The following GRID1 variants were observed in gnomAD, a reference collection of about 807,000 sequenced individuals.
The protein encoded by GRID1 is glutamate ionotropic receptor delta type subunit 1, also known as glutamate receptor ionotropic, delta-1.
Under a neutral mutation model 98.0 loss-of-function variants are expected in GRID1, and 28 were observed. The observed-to-expected ratio is 0.29, with a 90% CI of 0.21 to 0.39. The LOEUF is 0.39. Ranked by LOEUF, GRID1 falls within the 10% of genes least tolerant of loss-of-function variation. The pLI is 1.00. For missense variants in GRID1, 1,111 were observed against 1,340.5 expected, an observed-to-expected ratio of 0.83 and a Z score of 2.67; for synonymous variants, 553 against 538.5, an observed-to-expected ratio of 1.03 and a Z score of -0.37.
At chr10:86,015,319 C>G (rs931275744) in intron 4 of GRID1, among the ~76,000 whole-genome samples, 39 of 152,216 alleles carry the variant, frequency 2.6e-4, no homozygotes, top group Admixed American at 1.3e-4. Context: ...GCTTTCCAGC[C>G]ACCAAACTCC....
intron 5 of GRID1, among the ~76,000 whole-genome samples, chr10:85,906,356 A>G (rs1841460959): frequency 6.6e-6 from 1 of 152,158 alleles, no homozygotes; most frequent in Non-Finnish European, 1.5e-5. Flanking sequence ...AGTAGACCAA[A>G]TAATCATAAA....
intron 2 of GRID1, among the ~76,000 whole-genome samples, chr10:86,228,178 T>G (rs921557588): frequency 6.8e-6 from 1 of 146,502 alleles, no homozygotes; most frequent in Non-Finnish European, 1.5e-5. Context: ...GTTGGTTGAG[T>G]AGGTGGGTGG....
rs546918693 is a variant in GRID1, at chr10:85,668,917, AG to A, written c.1998-21521del. Among the ~76,000 whole-genome samples, 13 of 152,336 alleles carry A rather than the reference AG, an allele frequency of 8.5e-5. No homozygotes were observed. The South Asian group carries it at 2.7e-3, about 32-fold the overall frequency. On this transcript the variant is annotated intron_variant, in intron 12 of 15. Coordinates refer to ENST00000327946, the MANE Select transcript of GRID1 (RefSeq NM_017551.3). ...AAGTCAGGACAATGGAGTGTGCTCAAGGGGTCCAGATCACAGGAAGACAGAG... is the reference window on the plus strand; with the variant it reads ...AAGTCAGGACAATGGAGTGTGCTCAAGGGTCCAGATCACAGGAAGACAGAG...
intron 4 of GRID1, among the ~76,000 whole-genome samples, chr10:85,987,316 C>T (rs1233481379): frequency 6.7e-6 from 1 of 149,472 alleles, no homozygotes; most frequent in Non-Finnish European, 1.5e-5. Context: ...TCTCACCTCC[C>T]ACCTCCCACT....
intron 8 of GRID1, among the ~76,000 whole-genome samples, chr10:85,823,402 TA>T (rs1209667709): frequency 1.3e-5 from 2 of 151,932 alleles, no homozygotes; most frequent in Non-Finnish European, 2.9e-5. Flanking sequence ...ATTTGAGAAA[TA>T]ATTAGAATCT....
chr10:86,136,939 C>T (rs1489414055), intron 4 of GRID1, among the ~76,000 whole-genome samples: 1 of 152,106 alleles, frequency 6.6e-6, no homozygotes, highest in African/African-American at 2.4e-5. Flanking sequence ...TGCACATGTA[C>T]CCCCTGTACC....
chr10:85,599,952 C>A lies in GRID1; in HGVS notation c.*2321G>T, dbSNP rs1312216668. 6.6e-6 allele frequency: 1 copy of A among 150,506 alleles called. No individual in the cohort carries two copies. The highest frequency in any genetic ancestry group is 2.5e-5 in the African/African-American group (1 of 40,590). 9.3% of individuals were successfully genotyped at this position (150,506 alleles called of 1,614,324 possible). A position where few individuals can be genotyped will look rare whatever the true frequency, so the allele number is the denominator to read the frequency against. The stretch of plus-strand genomic sequence containing the variant: ...ACACACACACACAAACACACACACA[C>A]AGGCGCACAAACACATCCTCCATCT... On this transcript the variant is annotated 3_prime_UTR_variant, in exon 16 of 16. Coordinates refer to ENST00000327946, the MANE Select transcript of GRID1 (RefSeq NM_017551.3).
rs1018697622 is a variant in GRID1, at chr10:86,241,341, G to A, written c.236-34693C>T. ...GCCCTTCAGGGCAAAGGCTCCACCC[G>A]CTGGCTGGCCCTGGCCATCAGGACC... On this transcript the variant is annotated intron_variant, in intron 2 of 15. Transcript: ENST00000327946. 7.9e-5 allele frequency among the ~76,000 whole-genome samples: 12 copies of A among 152,300 alleles called. No homozygotes were observed. In the East Asian group the frequency reaches 1.2e-3, roughly 15 times the overall value.
At chr10:86,083,814 C>T (rs867410758) in intron 4 of GRID1, among the ~76,000 whole-genome samples, 6 of 152,206 alleles carry the variant, frequency 3.9e-5, no homozygotes, top group Non-Finnish European at 8.8e-5. Context: ...CACCTGAATA[C>T]CCCAATCCAG....
chr10:85,983,308 A>G (rs1048938335), intron 4 of GRID1, among the ~76,000 whole-genome samples: 14 of 152,348 alleles, frequency 9.2e-5, no homozygotes, highest in African/African-American at 2.9e-4. Flanking sequence ...AGCCACTCAC[A>G]GAAGGCCCAG....
At chr10:85,627,260 G>C (rs1842924147) in intron 13 of GRID1, among the ~76,000 whole-genome samples, 1 of 152,202 alleles carries the variant, frequency 6.6e-6, no homozygotes, top group South Asian at 2.1e-4. Context: ...CAGACAAGTT[G>C]TTTAACATCT....
At chr10:86,317,597 C>T (rs1847916947) in intron 2 of GRID1, among the ~76,000 whole-genome samples, 1 of 152,018 alleles carries the variant, frequency 6.6e-6, no homozygotes, top group African/African-American at 2.4e-5. Context: ...GTGGGCAGGC[C>T]TCGGGCAGCA....
At chr10:85,628,554 G>C (rs1842937405) in intron 13 of GRID1, among the ~76,000 whole-genome samples, 1 of 152,210 alleles carries the variant, frequency 6.6e-6, no homozygotes, top group Non-Finnish European at 1.5e-5. Flanking sequence ...TCTCTAAAGA[G>C]AGAACAATGG....
intron 8 of GRID1, among the ~76,000 whole-genome samples, chr10:85,820,058 GC>G (rs1256045607): frequency 1.3e-4 from 15 of 118,470 alleles, no homozygotes; most frequent in African/African-American, 5.6e-4. Context: ...AGGCAGGCAG[GC>G]AGGCAGGCAG....
At chr10:86,053,200 T>G (rs1200439250) in intron 4 of GRID1, among the ~76,000 whole-genome samples, 2 of 152,174 alleles carry the variant, frequency 1.3e-5, no homozygotes, top group African/African-American at 4.8e-5. Context: ...ACATTAATAT[T>G]TTCTAATTTT....
intron 8 of GRID1, among the ~76,000 whole-genome samples, chr10:85,783,982 T>C (rs1842403672): frequency 6.6e-6 from 1 of 152,114 alleles, no homozygotes; most frequent in South Asian, 2.1e-4. Flanking sequence ...CCAGGGCCTT[T>C]TAAGAACAAG....
chr10:86,080,644 T>C (rs1843964182), intron 4 of GRID1, among the ~76,000 whole-genome samples: 1 of 151,344 alleles, frequency 6.6e-6, no homozygotes, highest in African/African-American at 2.4e-5. Context: ...GAGAGTGGAG[T>C]GTCTGAGTGG....
At chr10:85,619,001 C>T (rs558548696) in intron 14 of GRID1, among the ~76,000 whole-genome samples, 23 of 152,230 alleles carry the variant, frequency 1.5e-4, no homozygotes, top group Admixed American at 3.3e-4. Context: ...ACGATGCCAG[C>T]CTTTCCATTC....
chr10:85,667,219 C>T (rs1277301584), intron 12 of GRID1, among the ~76,000 whole-genome samples: 2 of 152,084 alleles, frequency 1.3e-5, no homozygotes, highest in African/African-American at 4.8e-5. Flanking sequence ...TTTATCTGCT[C>T]TTCTTCCTGG....
Sources: gnomAD v4.1 joint callset for allele counts (sites outside exome capture counted in the v4.1 genomes callset) on GRCh38, gnomAD v4.1.1 for gene constraint, MANE v1.5 for transcripts, NCBI Gene and HGNC (gene_info 2026-07-23, HGNC 2026-07-21) for gene names.